Variants in CHAC1 observed in about 807,000 individuals in gnomAD.
CHAC1 encodes glutathione-specific gamma-glutamylcyclotransferase 1.
In CHAC1, 22 loss-of-function variants were observed where a neutral mutation model predicts 22.1. The observed-to-expected ratio is 1.00, with a 90% CI of 0.71 to 1.42. The LOEUF (loss-of-function observed/expected upper bound fraction) is 1.42. Among genes scored for constraint, CHAC1 ranks in the 40% most tolerant of loss-of-function variants. The pLI is 0.00. For missense variants in CHAC1, 272 were observed against 299.2 expected, an observed-to-expected ratio of 0.91 and a Z score of 0.67; for synonymous variants, 145 against 128.7, an observed-to-expected ratio of 1.13 and a Z score of -0.86.
chr15:40,955,472 A>T lies in CHAC1; in HGVS notation c.367A>T (p.Thr123Ser), dbSNP rs1467443897. The T allele has an allele frequency of 6.2e-7, 1 of 1,614,140 alleles. No homozygotes were observed. The highest frequency in any genetic ancestry group is 1.1e-5 in the South Asian group (1 of 91,084). Residue 123 changes from threonine (T) to serine (S), a missense_variant, in exon 3 of 3, where the codon ACC (threonine) becomes TCC (serine). Thr to Ser is a moderately conservative substitution (Grantham distance 58, BLOSUM62 1). Coordinates refer to ENST00000617768, the MANE Select transcript of CHAC1 (RefSeq NM_024111.6). ...VREAVLGGYD[T>S]KEVTFYPQDA... ...AGAGGCAGTGCTTGGTGGCTACGAT[A>T]CCAAGGAGGTCACCTTCTATCCCCA...
At chr15:40,953,849 G>GT in intron 1 of CHAC1, 35 bp downstream of exon 1, 3 of 1,510,714 alleles carry the variant, frequency 2.0e-6, no homozygotes, top group Non-Finnish European at 2.7e-6. Context: ...GAGTGAGGGG[G>GT]TTGGGGGCGG....
At chr15:40,955,321 G>GAGC in intron 2 of CHAC1, 52 bp from the exon 3 acceptor site, 3 of 1,591,454 alleles carry the variant, frequency 1.9e-6, no homozygotes, top group Non-Finnish European at 1.7e-6. Context: ...ATAGGAGAGG[G>GAGC]AGCAGCAAGG....
chr15:40,954,237 G>T lies in CHAC1; in HGVS notation c.241G>T (p.Val81Leu), dbSNP rs1893178153. The change falls in exon 2 of 3, where the codon GTG (valine) becomes TTG (leucine). Residue 81 changes from valine (V) to leucine (L), a missense_variant. Val to Leu is a conservative substitution (Grantham distance 32, BLOSUM62 1). Coordinates refer to ENST00000617768, the MANE Select transcript of CHAC1 (RefSeq NM_024111.6). The stretch of plus-strand genomic sequence containing the variant: ...TTTCTTCCCTCCCTAGCCTGGCCGT[G>T]TGGTGACGCTCCTTGAAGATCATGA... The part of the protein sequence containing the change: ...HRGSDKMPGR[V>L]VTLLEDHEGC... 1 of 1,614,008 alleles carries T rather than the reference G, an allele frequency of 6.2e-7. No individual in the cohort carries two copies. The highest frequency in any genetic ancestry group is 1.1e-5 in the South Asian group (1 of 91,082).
In CHAC1 at chr15:40,955,564, G is replaced by A. The variant is rs1566886679; in HGVS notation, c.459G>A (p.Leu153=). ...CCACCCCACAGAACCCTGGTTACCTGGGCCCTGCGCCTGAAGAGGCCATTG... is the reference window on the plus strand; with the variant it reads ...CCACCCCACAGAACCCTGGTTACCTAGGCCCTGCGCCTGAAGAGGCCATTG... ...YVATPQNPGY[L]GPAPEEAIAT... The change falls in exon 3 of 3, where the codon CTG becomes CTA. Residue 153 remains leucine, a synonymous_variant. Coordinates refer to ENST00000617768, the MANE Select transcript of CHAC1 (RefSeq NM_024111.6). 1 of 1,614,144 alleles carries A rather than the reference G, an allele frequency of 6.2e-7. No homozygotes were observed. The highest frequency in any genetic ancestry group is 8.5e-7 in the Non-Finnish European group (1 of 1,180,034).
At chr15:40,954,726 C>T (rs1417081513) in intron 2 of CHAC1, among the ~76,000 whole-genome samples, 1 of 152,146 alleles carries the variant, frequency 6.6e-6, no homozygotes, top group East Asian at 1.9e-4. Context: ...ACCTCAGCCT[C>T]CCGAGTAGCT....
chr15:40,956,043 G>T lies in CHAC1; in HGVS notation c.*269G>T. On this transcript the variant is annotated 3_prime_UTR_variant, in exon 3 of 3. Transcript: ENST00000617768. Reference sequence around the variant, plus strand: ...GGACACAGGGGCCCTGCTGAGCAGTGGCCCCATCCTGGAACTTGACCAGAT... The same window carrying T: ...GGACACAGGGGCCCTGCTGAGCAGTTGCCCCATCCTGGAACTTGACCAGAT... 1 of 423,936 alleles carries T rather than the reference G, an allele frequency of 2.4e-6. No individual in the cohort carries two copies. Among genetic ancestry groups the T allele is most frequent in the Non-Finnish European group, 4.2e-6 (1 of 236,778 alleles). The allele number at this position is 423,936 out of a possible 1,614,324, so 26.3% of individuals were successfully genotyped here.
rs1280559612 is a variant in CHAC1 at position 40,955,590 on chromosome 15, C to T, written c.485C>T (p.Ala162Val). 2 of 1,613,966 alleles carry T rather than the reference C, an allele frequency of 1.2e-6. No individual in the cohort carries two copies. Among genetic ancestry groups the T allele is most frequent in the South Asian group, 2.2e-5 (2 of 91,092 alleles). Residue 162 changes from alanine (A) to valine (V), a missense_variant, in exon 3 of 3, where the codon GCC becomes GTC. Coordinates refer to ENST00000617768, the MANE Select transcript of CHAC1 (RefSeq NM_024111.6). ...GGCCCTGCGCCTGAAGAGGCCATTG[C>T]CACGCAGATCCTGGCCTGCCGGGGC... ...YLGPAPEEAI[A>V]TQILACRGFS...
chr15:40,954,901 G>A (rs923658656), intron 2 of CHAC1, among the ~76,000 whole-genome samples: 1 of 143,380 alleles, frequency 7.0e-6, no homozygotes, highest in Non-Finnish European at 1.5e-5. Context: ...TACTGCACCT[G>A]GCCTCAACTA....
rs770668603 is a variant in CHAC1, at chr15:40,953,506, T to G, written c.-78T>G. 6.3e-7 allele frequency: 1 copy of G among 1,591,526 alleles called. No individual in the cohort carries two copies. Among genetic ancestry groups the G allele is most frequent in the South Asian group, 1.1e-5 (1 of 88,994 alleles). On this transcript the variant is annotated 5_prime_UTR_variant, in exon 1 of 3. Transcript: ENST00000617768. ...ACCGAGCGGTGCCAGGCCAGGTGTG[T>G]GCGTCCGTCGGTCTTTCCGTGCCCA...
intron 2 of CHAC1, among the ~76,000 whole-genome samples, chr15:40,954,915 CTTT>C (rs60132729): frequency 2.9e-5 from 4 of 139,868 alleles, no homozygotes; most frequent in East Asian, 2.1e-4. Flanking sequence ...TCAACTATGC[CTTT>C]TTTTTTTTTT....
At position 40,955,677 on chromosome 15, in the gene CHAC1, C is replaced by T. The variant is rs777013416; in HGVS notation, c.572C>T (p.Pro191Leu). ...GCAGACTTCATGCAGCTCTGTGGGCCTCAGGCGCAGGACGAGCACCTGGCA... is the reference window on the plus strand; with the variant it reads ...GCAGACTTCATGCAGCTCTGTGGGCTTCAGGCGCAGGACGAGCACCTGGCA... ...RLADFMQLCG[P>L]QAQDEHLAAI... Residue 191 changes from proline to leucine, a missense_variant, in exon 3 of 3, where the codon CCT (proline) becomes CTT (leucine). By Grantham distance (98) the Pro-to-Leu change is moderately conservative. Transcript: ENST00000617768. 3 of 1,611,176 alleles carry T rather than the reference C, an allele frequency of 1.9e-6. No individual in the cohort carries two copies. The highest frequency in any genetic ancestry group is 2.5e-6 in the Non-Finnish European group (3 of 1,180,008).
Position 40,953,495 on chromosome 15 carries a change from G to C in CHAC1, c.-89G>C, listed in dbSNP as rs754655613. 1.3e-6 allele frequency: 2 copies of C among 1,575,978 alleles called. No homozygotes were observed. The highest frequency in any genetic ancestry group is 1.7e-6 in the Non-Finnish European group (2 of 1,164,740). Reference sequence around the variant, plus strand: ...CAGCTGGAGCTACCGAGCGGTGCCAGGCCAGGTGTGTGCGTCCGTCGGTCT... The same window carrying C: ...CAGCTGGAGCTACCGAGCGGTGCCACGCCAGGTGTGTGCGTCCGTCGGTCT... On this transcript the variant is annotated 5_prime_UTR_variant, in exon 1 of 3. Transcript: ENST00000617768.
At position 40,953,484 on chromosome 15, in the gene CHAC1, G is replaced by A. The variant is rs1452951080; in HGVS notation, c.-100G>A. ...TGGGGGGCGCTCAGCTGGAGCTACC[G>A]AGCGGTGCCAGGCCAGGTGTGTGCG... is the stretch of plus-strand genomic sequence containing the variant. On this transcript the variant is annotated 5_prime_UTR_variant, in exon 1 of 3. Transcript: ENST00000617768. The A allele has an allele frequency of 1.3e-6, 2 of 1,520,920 alleles. No homozygotes were observed. The highest frequency in any genetic ancestry group is 2.5e-5 in the South Asian group (2 of 81,044). The allele number at this position is 1,520,920 out of a possible 1,614,324, so 94.2% of individuals were successfully genotyped here.
Position 40,953,820 on chromosome 15 carries a change from C to T in CHAC1, c.231+6C>T. On this transcript the variant is annotated splice_donor_region_variant and intron_variant, in intron 1 of 2. Coordinates refer to ENST00000617768, the MANE Select transcript of CHAC1 (RefSeq NM_024111.6). ...ATCGGGGCAGCGACAAGATGGTGAG[C>T]ATCCAACCGTGCCCAGGGGAGTGAG... is the stretch of plus-strand genomic sequence containing the variant. The T allele has an allele frequency of 1.3e-6, 2 of 1,580,808 alleles. No individual in the cohort carries two copies. Among genetic ancestry groups the T allele is most frequent in the Admixed American group, 1.7e-5 (1 of 58,722 alleles).
In CHAC1 at chr15:40,955,586, A is replaced by C. The variant is rs776313433; in HGVS notation, c.481A>C (p.Ile161Leu). 2.5e-6 allele frequency: 4 copies of C among 1,614,072 alleles called. No individual in the cohort carries two copies. The Admixed American group carries it at 6.7e-5, about 27-fold the overall frequency. ...CCTGGGCCCTGCGCCTGAAGAGGCCATTGCCACGCAGATCCTGGCCTGCCG... is the reference window on the plus strand; with the variant it reads ...CCTGGGCCCTGCGCCTGAAGAGGCCCTTGCCACGCAGATCCTGGCCTGCCG... Reference protein sequence around the residue: ...GYLGPAPEEAIATQILACRGF... With the variant: ...GYLGPAPEEALATQILACRGF... The change falls in exon 3 of 3, where the codon ATT (isoleucine) becomes CTT (leucine). Residue 161 changes from isoleucine (I) to leucine (L), a missense_variant. Ile to Leu is a conservative substitution (Grantham distance 5). Coordinates refer to ENST00000617768, the MANE Select transcript of CHAC1 (RefSeq NM_024111.6).
At position 40,953,693 on chromosome 15, in the gene CHAC1, G is replaced by T; in HGVS notation, c.110G>T (p.Gly37Val). 6.2e-7 allele frequency: 1 copy of T among 1,607,584 alleles called. No individual in the cohort carries two copies. The stretch of plus-strand genomic sequence containing the variant: ...GACCCTCAAGCGCTGTGGATTTTCG[G>T]GTACGGCTCCCTGGTGTGGAGGCCC... ...DGDPQALWIFGYGSLVWRPDF... is the reference protein window; with the variant it reads ...DGDPQALWIFVYGSLVWRPDF... The change falls in exon 1 of 3, where the codon GGG (glycine) becomes GTG (valine). Residue 37 changes from glycine to valine, a missense_variant. Transcript: ENST00000617768.
rs1893235469 is a variant in CHAC1, at chr15:40,955,867, C to T, written c.*93C>T. The T allele has an allele frequency of 7.5e-7, 1 of 1,341,432 alleles. No individual in the cohort carries two copies. Among genetic ancestry groups the T allele is most frequent in the Admixed American group, 2.6e-5 (1 of 37,816 alleles). The allele number at this position is 1,341,432 out of a possible 1,614,324, so 83.1% of individuals were successfully genotyped here. A position where few individuals can be genotyped will look rare whatever the true frequency, so the allele number is the denominator to read the frequency against. On this transcript the variant is annotated 3_prime_UTR_variant, in exon 3 of 3. Transcript: ENST00000617768. ...ACAGACTTGCGACCGCTTGAGCCCA[C>T]TGAGCAGATATGGTGGGTGGCTGGA...
Position 40,953,757 on chromosome 15 carries a change from C to T in CHAC1, c.174C>T (p.Arg58=), listed in dbSNP as rs1224459159. 8 of 1,599,938 alleles carry T rather than the reference C, an allele frequency of 5.0e-6. No homozygotes were observed. The highest frequency in any genetic ancestry group is 5.1e-6 in the Non-Finnish European group (6 of 1,179,400). Reference sequence around the variant, plus strand: ...GCGACAGCCGTGTGGGCTTCGTGCGCGGCTACAGCCGCCGTTTCTGGCAGG... The same window carrying T: ...GCGACAGCCGTGTGGGCTTCGTGCGTGGCTACAGCCGCCGTTTCTGGCAGG... ...AYSDSRVGFV[R]GYSRRFWQGD... Residue 58 remains arginine, a synonymous_variant, in exon 1 of 3, where the codon CGC becomes CGT. Coordinates refer to ENST00000617768, the MANE Select transcript of CHAC1 (RefSeq NM_024111.6).
At position 40,955,386 on chromosome 15, in the gene CHAC1, G is replaced by T. The variant is rs373154741; in HGVS notation, c.281G>T (p.Gly94Val). 2.4e-5 allele frequency: 39 copies of T among 1,613,746 alleles called. No individual in the cohort carries two copies. The highest frequency in any genetic ancestry group is 3.2e-5 in the Non-Finnish European group (38 of 1,179,904). The change falls in exon 3 of 3, where the codon GGC (glycine) becomes GTC (valine). Residue 94 changes from glycine (G) to valine (V), a missense_variant. By Grantham distance (109) the Gly-to-Val change is moderately radical (BLOSUM62 -3). Coordinates refer to ENST00000617768, the MANE Select transcript of CHAC1 (RefSeq NM_024111.6). ...ATTTCTTCCCAGGGCTGCACTTGGGGCGTGGCATACCAAGTGCAAGGGGAG... is the reference window on the plus strand; with the variant it reads ...ATTTCTTCCCAGGGCTGCACTTGGGTCGTGGCATACCAAGTGCAAGGGGAG... ...LLEDHEGCTW[G>V]VAYQVQGEQV...
Sources: allele counts gnomAD v4.1 joint callset (sites outside exome capture counted in the v4.1 genomes callset), GRCh38; gene constraint gnomAD v4.1.1; transcripts MANE v1.5; gene names NCBI Gene and HGNC (gene_info 2026-07-23, HGNC 2026-07-21).